MAPK10: variants seen among roughly 807,000 people sequenced by gnomAD.
The protein encoded by MAPK10 is JNK3 alpha protein kinase.
A neutral mutation model predicts 59.3 loss-of-function variants in MAPK10; 25 were observed. The ratio of observed to expected loss-of-function variants is 0.42; its 90% CI spans 0.31 to 0.59. The LOEUF is 0.59. Among genes scored for constraint, MAPK10 ranks in the 20% least tolerant of loss-of-function variants. The probability of loss-of-function intolerance (pLI) is 0.15; values close to 1 mark genes in which losing one functional copy is unlikely to be tolerated. For missense variants in MAPK10, 351 were observed against 568.9 expected (o/e 0.62, Z 3.90); for synonymous variants, 190 against 200.5 (o/e 0.95, Z 0.44).
At chr4:86,489,029 G>C (rs1754253378) in intron 1 of MAPK10, among the ~76,000 whole-genome samples, 1 of 152,198 alleles carries the variant, frequency 6.6e-6, no homozygotes, top group South Asian at 2.1e-4. Flanking sequence ...TTTCAGTCCA[G>C]TGTTAATGTG....
chr4:86,374,173 C>T (rs554945081), intron 1 of MAPK10, among the ~76,000 whole-genome samples: 3 of 152,110 alleles, frequency 2.0e-5, no homozygotes, highest in Non-Finnish European at 4.4e-5. Flanking sequence ...AACCAAACAC[C>T]GCATGTTCTC....
intron 2 of MAPK10, among the ~76,000 whole-genome samples, chr4:86,318,729 G>A (rs1324518641): frequency 6.6e-6 from 1 of 152,100 alleles, no homozygotes; most frequent in Non-Finnish European, 1.5e-5. Context: ...AATAGATCTA[G>A]CCTCTAGCCA....
chr4:86,261,778 C>T (rs1396733907), intron 2 of MAPK10, among the ~76,000 whole-genome samples: 1 of 152,306 alleles, frequency 6.6e-6, no homozygotes, highest in African/African-American at 2.4e-5. Context: ...TCCTGTGGGA[C>T]ATGTGGTTTT....
At chr4:86,566,540 C>A (rs984578421) in intron 1 of MAPK10, among the ~76,000 whole-genome samples, 5 of 151,792 alleles carry the variant, frequency 3.3e-5, no homozygotes, top group African/African-American at 1.2e-4. Flanking sequence ...ATGGTGAAAC[C>A]CTGTCTCTAC....
At chr4:86,428,172 G>A (rs1433158478) in intron 1 of MAPK10, among the ~76,000 whole-genome samples, 1 of 146,226 alleles carries the variant, frequency 6.8e-6, no homozygotes, top group Non-Finnish European at 1.5e-5. Context: ...AGGTCTTTTT[G>A]CTCTGTCGCC....
intron 1 of MAPK10, among the ~76,000 whole-genome samples, chr4:86,498,505 A>G (rs1474833072): frequency 6.6e-6 from 1 of 152,218 alleles, no homozygotes; most frequent in African/African-American, 2.4e-5. Context: ...TGGCTTTTAG[A>G]TAAGAAGAAA....
At chr4:86,126,748 G>C (rs900852069) in intron 4 of MAPK10, among the ~76,000 whole-genome samples, 2 of 152,036 alleles carry the variant, frequency 1.3e-5, no homozygotes, top group Middle Eastern at 3.4e-3. Context: ...CTTAAAATTA[G>C]TATGCCCCAA....
chr4:86,051,556 AT>A (rs1231542766), intron 11 of MAPK10, among the ~76,000 whole-genome samples: 1 of 152,100 alleles, frequency 6.6e-6, no homozygotes, highest in Non-Finnish European at 1.5e-5. Flanking sequence ...TCATTTAGGG[AT>A]TTTTAAATGT....
rs1304339766 is a variant in MAPK10, at chr4:86,244,839, T to C, written c.-6-50432A>G. On this transcript the variant is annotated intron_variant, in intron 2 of 13. Transcript: ENST00000641462. ...ACATTTTTTATTTTGAATTGCATCA[T>C]GTGATCTCTTTGAGTCTGAGAAATT... Among the ~76,000 whole-genome samples the C allele has an allele frequency of 4.6e-5, 7 of 152,334 alleles. No homozygotes were observed. In the South Asian group the frequency reaches 1.0e-3, roughly 23 times the overall value.
intron 1 of MAPK10, among the ~76,000 whole-genome samples, chr4:86,504,686 C>A (rs1755592350): frequency 6.6e-6 from 1 of 152,094 alleles, no homozygotes; most frequent in Admixed American, 6.6e-5. Context: ...ACTAGCAAAA[C>A]TTTTTCCTGC....
intron 1 of MAPK10, among the ~76,000 whole-genome samples, chr4:86,524,649 T>C (rs1472195617): frequency 6.6e-6 from 1 of 152,196 alleles, no homozygotes; most frequent in Non-Finnish European, 1.5e-5. Context: ...TTTGCACATA[T>C]TCATCTTCCT....
At chr4:86,550,941 T>G (rs1759727500) in intron 1 of MAPK10, among the ~76,000 whole-genome samples, 1 of 152,200 alleles carries the variant, frequency 6.6e-6, no homozygotes, top group African/African-American at 2.4e-5. Flanking sequence ...AATAAATGCA[T>G]TCTTCTGAAA....
chr4:86,278,857 A>C (rs1432040841), intron 2 of MAPK10, among the ~76,000 whole-genome samples: 1 of 152,182 alleles, frequency 6.6e-6, no homozygotes, highest in Non-Finnish European at 1.5e-5. Flanking sequence ...GTTAAAAGTC[A>C]CAAGAGACAA....
At chr4:86,039,407 C>T (rs1341884429) in intron 11 of MAPK10, among the ~76,000 whole-genome samples, 2 of 152,130 alleles carry the variant, frequency 1.3e-5, no homozygotes, top group African/African-American at 2.4e-5. Flanking sequence ...TGCCTTAGAC[C>T]CCAACACTGG....
intron 1 of MAPK10, among the ~76,000 whole-genome samples, chr4:86,548,786 C>T (rs1220862205): frequency 6.6e-6 from 1 of 152,080 alleles, no homozygotes; most frequent in Non-Finnish European, 1.5e-5. Context: ...TTTGAGATTC[C>T]ACTAGACCAC....
At chr4:86,309,169 T>C (rs2095624108) in intron 2 of MAPK10, among the ~76,000 whole-genome samples, 1 of 152,232 alleles carries the variant, frequency 6.6e-6, no homozygotes. Flanking sequence ...TTTTTGTTAT[T>C]TATTTGGTAA....
intron 4 of MAPK10, among the ~76,000 whole-genome samples, chr4:86,146,608 G>C (rs2065066117): frequency 6.6e-6 from 1 of 152,176 alleles, no homozygotes; most frequent in Non-Finnish European, 1.5e-5. Context: ...CACAGAAGTA[G>C]CTCCATGCTT....
chr4:86,388,411 C>A (rs752908316), intron 1 of MAPK10, among the ~76,000 whole-genome samples: 8 of 151,990 alleles, frequency 5.3e-5, no homozygotes, highest in African/African-American at 1.9e-4. Flanking sequence ...TATTAATAAC[C>A]AAGTACAGTA....
chr4:86,030,560 C>T (rs28538338), intron 12 of MAPK10, among the ~76,000 whole-genome samples: 32,235 of 151,776 alleles, frequency 0.21, 4,160 homozygotes, highest in African/African-American at 0.35. Context: ...TCTGAACTCC[C>T]GGGCTCAAGT....
Sources: allele counts gnomAD v4.1 joint callset (sites outside exome capture counted in the v4.1 genomes callset), GRCh38; gene constraint gnomAD v4.1.1; transcripts MANE v1.5; gene names NCBI Gene and HGNC (gene_info 2026-07-23, HGNC 2026-07-21).